SVIL: variants seen among roughly 807,000 people sequenced by gnomAD.
SVIL encodes archvillin.
In SVIL, 101 loss-of-function variants were observed where a neutral mutation model predicts 240.4. The observed-to-expected ratio is 0.42, with a 90% CI of 0.36 to 0.50. The LOEUF (loss-of-function observed/expected upper bound fraction) is 0.50, where lower values mean the gene tolerates loss of function less well. Among genes scored for constraint, SVIL ranks in the 20% least tolerant of loss-of-function variants. The pLI, the probability that SVIL is intolerant of heterozygous loss-of-function variation, is 0.01. For synonymous variants in SVIL, 999 were observed against 1,100.0 expected, an observed-to-expected ratio of 0.91 and a Z score of 1.82; for missense variants, 2,512 against 2,818.7, an observed-to-expected ratio of 0.89 and a Z score of 2.46.
rs747998398 is a variant in SVIL at position 29,529,818 on chromosome 10, T to C, written c.2133A>G (p.Gln711=). The change falls in exon 12 of 38, where the codon CAA becomes CAG. Residue 711 remains glutamine (Q), a synonymous_variant. Coordinates refer to ENST00000355867, the MANE Select transcript of SVIL (RefSeq NM_021738.3). ...TTCTTGAGCGTCGCTTTGGAACATT[T>C]TGTTCATCAAAAGATTTTTCCATCT... ...FREMEKSFDE[Q]NVPKRRSRNT... The C allele has an allele frequency of 3.1e-6, 5 of 1,611,392 alleles. No individual in the cohort carries two copies. In the South Asian group the frequency reaches 5.5e-5, roughly 18 times the overall value.
Position 29,550,708 on chromosome 10 carries a change from A to T in SVIL, c.716T>A (p.Phe239Tyr). The T allele has an allele frequency of 6.2e-7, 1 of 1,614,122 alleles. No individual in the cohort carries two copies. Residue 239 changes from phenylalanine (F) to tyrosine (Y), a missense_variant, in exon 6 of 38, where the codon TTC becomes TAC. Around this residue, in one of 3 missense-constraint regions of SVIL, gnomAD observed 1,443 missense variants for 1,486.6 expected, o/e 0.97. Coordinates refer to ENST00000355867, the MANE Select transcript of SVIL (RefSeq NM_021738.3). ...TFSFSGRDSS[F>Y]TEVPRSPKHA... ...CTTGGGGGACCGTGGCACTTCAGTGAAGGAGGAGTCTCGCCCAGAGAAAGA... is the reference window on the plus strand; with the variant it reads ...CTTGGGGGACCGTGGCACTTCAGTGTAGGAGGAGTCTCGCCCAGAGAAAGA...
At chr10:29,717,105 C>A (rs1963660701) in intron 1 of SVIL, among the ~76,000 whole-genome samples, 1 of 151,790 alleles carries the variant, frequency 6.6e-6, no homozygotes, top group Non-Finnish European at 1.5e-5. Context: ...TGGTGGGGGG[C>A]CCCTGTGGTC....
chr10:29,710,015 C>T (rs866754931), intron 1 of SVIL, among the ~76,000 whole-genome samples: 19 of 152,002 alleles, frequency 1.2e-4, no homozygotes, highest in South Asian at 8.3e-4. Context: ...TTGCCTCAGC[C>T]CTAGAGGGAG....
At chr10:29,683,078 T>C (rs1045535991) in intron 2 of SVIL, among the ~76,000 whole-genome samples, 2 of 152,226 alleles carry the variant, frequency 1.3e-5, no homozygotes, top group Admixed American at 6.5e-5. Flanking sequence ...CTTGGCTTTA[T>C]AGATTTGAGA....
chr10:29,636,658 G>C (rs532283080), upstream of SVIL, among the ~76,000 whole-genome samples: 8 of 152,116 alleles, frequency 5.3e-5, no homozygotes, highest in African/African-American at 1.9e-4. Flanking sequence ...TGGCTTAGAA[G>C]ACTCATCATA....
chr10:29,587,974 C>G (rs575052297), intron 1 of SVIL, among the ~76,000 whole-genome samples: 2 of 152,308 alleles, frequency 1.3e-5, no homozygotes, highest in East Asian at 1.9e-4. Flanking sequence ...GACTCTCCCC[C>G]ACCCTGGCCC....
intron 9 of SVIL, among the ~76,000 whole-genome samples, chr10:29,531,501 C>G (rs993401688): frequency 1.2e-4 from 18 of 152,340 alleles, no homozygotes; most frequent in African/African-American, 3.8e-4. Flanking sequence ...AGTACACACC[C>G]CGTGGAGAGA....
At chr10:29,707,686 G>A (rs1589552917) in intron 1 of SVIL, among the ~76,000 whole-genome samples, 1 of 151,932 alleles carries the variant, frequency 6.6e-6, no homozygotes, top group Non-Finnish European at 1.5e-5. Context: ...ATGATTAAAT[G>A]GATTATAATC....
At chr10:29,652,038 C>A (rs1010254843) in intron 3 of SVIL, among the ~76,000 whole-genome samples, 1 of 151,852 alleles carries the variant, frequency 6.6e-6, no homozygotes, top group African/African-American at 2.4e-5. Context: ...CACACACACA[C>A]CAGGCTTACT....
intron 17 of SVIL, among the ~76,000 whole-genome samples, chr10:29,509,358 A>AGACAG (rs1554828030): frequency 1.6e-5 from 2 of 128,864 alleles, no homozygotes; most frequent in East Asian, 4.2e-4. Flanking sequence ...AGAGAGAGAG[A>AGACAG]GAGAGAGAGA....
chr10:29,542,700 T>A (rs1410689839), intron 6 of SVIL, among the ~76,000 whole-genome samples: 3 of 152,240 alleles, frequency 2.0e-5, no homozygotes, highest in Non-Finnish European at 4.4e-5. Flanking sequence ...TTAGTTATTT[T>A]AAAATGCACG....
intron 16 of SVIL, among the ~76,000 whole-genome samples, chr10:29,515,920 C>G (rs1279002957): frequency 1.3e-5 from 2 of 152,098 alleles, no homozygotes; most frequent in Admixed American, 1.3e-4. Context: ...TGCTGATCTG[C>G]ACGGCGACCC....
At chr10:29,514,353 C>T (rs965536532) in intron 16 of SVIL, among the ~76,000 whole-genome samples, 19 of 152,228 alleles carry the variant, frequency 1.2e-4, no homozygotes, top group Middle Eastern at 6.8e-3. Flanking sequence ...AATCCTGCCT[C>T]GGCCTCCAGA....
At chr10:29,595,350 C>T (rs1382857980) in intron 1 of SVIL, among the ~76,000 whole-genome samples, 1 of 152,184 alleles carries the variant, frequency 6.6e-6, no homozygotes, top group African/African-American at 2.4e-5. Flanking sequence ...TGGAGCCCCA[C>T]CCGGCACCCT....
chr10:29,681,990 C>A (rs1960693219), intron 2 of SVIL, among the ~76,000 whole-genome samples: 1 of 152,164 alleles, frequency 6.6e-6, no homozygotes, highest in Admixed American at 6.5e-5. Context: ...TGTTGTGACA[C>A]CCAGCACACG....
At chr10:29,527,661 G>A (rs772857363) in intron 12 of SVIL, among the ~76,000 whole-genome samples, 16 of 149,420 alleles carry the variant, frequency 1.1e-4, no homozygotes, top group African/African-American at 1.7e-4. Flanking sequence ...TCTTGACCTC[G>A]TGATCCACCT....
intron 17 of SVIL, among the ~76,000 whole-genome samples, chr10:29,502,943 A>G (rs1231490528): frequency 7.2e-5 from 11 of 152,348 alleles, no homozygotes; most frequent in East Asian, 3.9e-4. Context: ...ACTAAGATGT[A>G]TTATAAGGAT....
chr10:29,601,543 C>G (rs1480485928), intron 1 of SVIL, among the ~76,000 whole-genome samples: 1 of 152,172 alleles, frequency 6.6e-6, no homozygotes, highest in Non-Finnish European at 1.5e-5. Context: ...GAGGTTCTTG[C>G]CATAGGCGCA....
intron 2 of SVIL, chr10:29,671,049 G>T (rs1445839238): frequency 6.6e-6 from 1 of 152,134 alleles, no homozygotes; most frequent in Non-Finnish European, 1.5e-5. Context: ...GGAACACCAG[G>T]CGCAGAGACC....
Sources: allele counts gnomAD v4.1 joint callset (sites outside exome capture counted in the v4.1 genomes callset), GRCh38; gene constraint gnomAD v4.1.1; regional missense constraint gnomAD v4.1.1; transcripts MANE v1.5; gene names NCBI Gene and HGNC (gene_info 2026-07-23, HGNC 2026-07-21).